PIK3C2A: variants seen among roughly 807,000 people sequenced by gnomAD.
PIK3C2A encodes the protein phosphatidylinositol 4-phosphate 3-kinase C2 domain-containing subunit alpha.
In PIK3C2A, 97 loss-of-function variants were observed where a neutral mutation model predicts 204.5. The ratio of observed to expected loss-of-function variants is 0.47; its 90% CI spans 0.40 to 0.56. The LOEUF is 0.56. Among genes scored for constraint, PIK3C2A ranks in the 20% least tolerant of loss-of-function variants. The probability of loss-of-function intolerance (pLI) is 0.00; values close to 1 mark genes in which losing one functional copy is unlikely to be tolerated. For missense variants in PIK3C2A, 1,735 were observed against 1,969.2 expected (o/e 0.88, Z 2.25); for synonymous variants, 653 against 664.4 (o/e 0.98, Z 0.26).
At chr11:17,124,921 G>A (rs188267506) in intron 13 of PIK3C2A, among the ~76,000 whole-genome samples, 1 of 152,098 alleles carries the variant, frequency 6.6e-6, no homozygotes, top group African/African-American at 2.4e-5. Flanking sequence ...ATTTTCCATA[G>A]AGAAGAAGTT....
chr11:17,101,805 G>T (rs894211314), intron 24 of PIK3C2A, among the ~76,000 whole-genome samples: 2 of 151,514 alleles, frequency 1.3e-5, no homozygotes, highest in South Asian at 2.1e-4. Flanking sequence ...GGGTTTCACC[G>T]TGTTAGCCAG....
At chr11:17,104,192 T>A (rs1848730572) in intron 23 of PIK3C2A, among the ~76,000 whole-genome samples, 1 of 152,204 alleles carries the variant, frequency 6.6e-6, no homozygotes, top group Non-Finnish European at 1.5e-5. Context: ...GAGGCCTATG[T>A]CCTGAAAGAC....
At chr11:17,195,821 C>T (rs899106225) in intron 1 of PIK3C2A, among the ~76,000 whole-genome samples, 3 of 150,854 alleles carry the variant, frequency 2.0e-5, no homozygotes, top group Admixed American at 6.6e-5. Context: ...AGGTGGATCA[C>T]GAGGTCAGGG....
At chr11:17,134,305 A>C (rs912862600) in intron 11 of PIK3C2A, among the ~76,000 whole-genome samples, 3 of 151,622 alleles carry the variant, frequency 2.0e-5, no homozygotes, top group Non-Finnish European at 4.4e-5. Context: ...TCCTGGCTCG[A>C]GCAATACTCC....
intron 1 of PIK3C2A, among the ~76,000 whole-genome samples, chr11:17,183,443 A>G (rs1851636432): frequency 6.6e-6 from 1 of 152,158 alleles, no homozygotes; most frequent in South Asian, 2.1e-4. Flanking sequence ...TGGGAGGCCA[A>G]GGTGGGTGGA....
chr11:17,206,290 T>C (rs779842999), intron 1 of PIK3C2A, among the ~76,000 whole-genome samples: 1 of 152,228 alleles, frequency 6.6e-6, no homozygotes, highest in Non-Finnish European at 1.5e-5. Context: ...AAACTCCATA[T>C]GTGCTTTCTA....
rs1255577209 is a variant in PIK3C2A at position 17,169,362 on chromosome 11, A to G, written c.380T>C (p.Phe127Ser). The part of the protein sequence containing the change: ...LPVTPILSPS[F>S]SAQLYFRPTI... ...AGGTCTAAAATAGAGCTGTGCTGAA[A>G]AGGAAGGGCTCAGAATAGGAGTAAC... Residue 127 changes from phenylalanine (F) to serine (S), a missense_variant, in exon 2 of 33, where the codon TTT becomes TCT. Around this residue, in one of 6 missense-constraint regions of PIK3C2A, gnomAD observed 536 missense variants for 546.7 expected, o/e 0.98. Transcript: ENST00000691414. 2.5e-6 allele frequency: 4 copies of G among 1,613,988 alleles called. No homozygotes were observed. Among genetic ancestry groups the G allele is most frequent in the Non-Finnish European group, 3.4e-6 (4 of 1,179,978 alleles).
chr11:17,131,939 G>A lies in PIK3C2A; in HGVS notation c.2208C>T (p.Phe736=), dbSNP rs1227525653. 8.7e-6 allele frequency: 14 copies of A among 1,600,506 alleles called. No individual in the cohort carries two copies. The highest frequency in any genetic ancestry group is 1.2e-5 in the Non-Finnish European group (14 of 1,173,476). ...ACAGTTCATCCCATTTAATAAGATAGAAGAAATTCTTGTAAGTGCCAACCT... is the reference window on the plus strand; with the variant it reads ...ACAGTTCATCCCATTTAATAAGATAAAAGAAATTCTTGTAAGTGCCAACCT... ...SKKVGTYKNF[F]YLIKWDELII... Residue 736 remains phenylalanine, a synonymous_variant, in exon 12 of 33, where the codon TTC becomes TTT. Transcript: ENST00000691414.
chr11:17,109,008 C>G (rs779443166), intron 22 of PIK3C2A, among the ~76,000 whole-genome samples: 4 of 152,102 alleles, frequency 2.6e-5, no homozygotes, highest in Non-Finnish European at 4.4e-5. Flanking sequence ...CATTAATCAC[C>G]TGAATATGAA....
At chr11:17,174,309 C>CACGCA (rs1565291760) in intron 1 of PIK3C2A, among the ~76,000 whole-genome samples, 8 of 135,432 alleles carry the variant, frequency 5.9e-5, no homozygotes, top group South Asian at 2.6e-4. Context: ...AAACAGCGGC[C>CACGCA]GGGCGCGGTG....
At chr11:17,164,196 A>C (rs1490784090) in intron 2 of PIK3C2A, among the ~76,000 whole-genome samples, 1 of 151,990 alleles carries the variant, frequency 6.6e-6, no homozygotes, top group East Asian at 1.9e-4. Context: ...CACAAAACCC[A>C]AAAAAATTAG....
chr11:17,111,645 G>GA (rs1465509400), intron 21 of PIK3C2A, among the ~76,000 whole-genome samples: 20 of 152,052 alleles, frequency 1.3e-4, no homozygotes, highest in Non-Finnish European at 2.1e-4. Context: ...GGGAGACCGA[G>GA]ACGGGCAGAT....
intron 1 of PIK3C2A, among the ~76,000 whole-genome samples, chr11:17,206,736 C>T (rs1235021927): frequency 6.6e-6 from 1 of 152,158 alleles, no homozygotes. Context: ...TTCCCTCTTT[C>T]TACTATGTCT....
intron 12 of PIK3C2A, among the ~76,000 whole-genome samples, chr11:17,130,523 G>C (rs934019378): frequency 1.3e-5 from 2 of 152,130 alleles, no homozygotes. Context: ...CACTATTTTA[G>C]GCCGGGCACA....
At chr11:17,199,121 G>GA (rs200717915) in intron 1 of PIK3C2A, among the ~76,000 whole-genome samples, 379 of 99,164 alleles carry the variant, frequency 3.8e-3, no homozygotes, top group African/African-American at 6.5e-3. Flanking sequence ...ACCGTCTCAA[G>GA]AAAAAAAAAA....
In PIK3C2A at chr11:17,148,718, T is replaced by G; in HGVS notation, c.1397A>C (p.Asp466Ala). 1 of 1,612,964 alleles carries G rather than the reference T, an allele frequency of 6.2e-7. No homozygotes were observed. Among genetic ancestry groups the G allele is most frequent in the South Asian group, 1.1e-5 (1 of 91,046 alleles). The stretch of plus-strand genomic sequence containing the variant: ...AACTTTTAGAACATAGCTGCCAACA[T>G]CTACTTGATTCAAGTCATCATGTAC... ...CWVHDDLNQV[D>A]VGSYVLKVCG... is the part of the protein sequence containing the mutation. Residue 466 changes from aspartate (D) to alanine (A), a missense_variant, in exon 5 of 33, where the codon GAT (aspartate) becomes GCT (alanine). Physicochemically the swap from Asp to Ala is moderately radical, Grantham distance 126. Transcript: ENST00000691414.
intron 22 of PIK3C2A, among the ~76,000 whole-genome samples, chr11:17,107,434 C>CA (rs1216865320): frequency 6.6e-6 from 1 of 152,034 alleles, no homozygotes; most frequent in East Asian, 1.9e-4. Flanking sequence ...ATGTTAAAGA[C>CA]AAAATCCAGA....
intron 1 of PIK3C2A, among the ~76,000 whole-genome samples, chr11:17,170,670 C>A (rs1439472224): frequency 2.0e-5 from 3 of 152,110 alleles, no homozygotes; most frequent in Non-Finnish European, 4.4e-5. Context: ...TTAATTCAGA[C>A]CAAGATTACC....
chr11:17,128,054 A>T (rs1207898291), intron 13 of PIK3C2A, among the ~76,000 whole-genome samples: 3 of 152,192 alleles, frequency 2.0e-5, no homozygotes, highest in Non-Finnish European at 4.4e-5. Flanking sequence ...AAAGGGATAA[A>T]ATCACCACTT....
Sources: gnomAD v4.1 joint callset for allele counts (sites outside exome capture counted in the v4.1 genomes callset) on GRCh38, gnomAD v4.1.1 for gene constraint, gnomAD v4.1.1 regional missense constraint, MANE v1.5 for transcripts, NCBI Gene and HGNC (gene_info 2026-07-23, HGNC 2026-07-21) for gene names.